Variants in PTPRZ1 observed in about 807,000 individuals in gnomAD.
The protein encoded by PTPRZ1 is receptor-type tyrosine-protein phosphatase zeta.
Under a neutral mutation model 214.1 loss-of-function variants are expected in PTPRZ1, and 82 were observed. That is an observed-to-expected ratio of 0.38 (90% confidence interval 0.32 to 0.46). PTPRZ1 has a LOEUF of 0.46. Among genes scored for constraint, PTPRZ1 ranks in the 20% least tolerant of loss-of-function variants. The pLI is 1.00. For missense variants in PTPRZ1, 2,603 were observed against 2,748.7 expected (o/e 0.95, Z 1.19); for synonymous variants, 945 against 987.9 (o/e 0.96, Z 0.81).
At chr7:121,976,956 C>A in intron 6 of PTPRZ1, 105 bp downstream of exon 6, 1 of 839,096 alleles carries the variant, frequency 1.2e-6, no homozygotes, top group Non-Finnish European at 1.8e-6. Flanking sequence ...GAAAGTACTA[C>A]ATTTTTAAAG....
chr7:121,953,745 C>T (rs557914433), intron 2 of PTPRZ1, among the ~76,000 whole-genome samples: 67 of 152,276 alleles, frequency 4.4e-4, no homozygotes, highest in African/African-American at 1.3e-3. Flanking sequence ...TTGTCAGTGC[C>T]ATTGAGGAGA....
chr7:121,928,125 A>G (rs760193282), intron 1 of PTPRZ1, 31 bp from the exon 2 acceptor site: 18 of 1,509,308 alleles, frequency 1.2e-5, no homozygotes, highest in Admixed American at 5.2e-5. Flanking sequence ...ATTTTTCTAC[A>G]TACTGATTAC....
intron 2 of PTPRZ1, among the ~76,000 whole-genome samples, chr7:121,966,356 A>AT (rs1335469816): frequency 1.3e-5 from 2 of 152,188 alleles, no homozygotes; most frequent in Non-Finnish European, 2.9e-5. Context: ...AATTTATTAT[A>AT]TTGTATTAAA....
chr7:122,028,376 A>G (rs754017113), intron 13 of PTPRZ1, 176 bp from the exon 14 acceptor site: 16 of 484,214 alleles, frequency 3.3e-5, no homozygotes, highest in Non-Finnish European at 5.5e-5. Context: ...GATAAATTTT[A>G]TAATTTAACA....
intron 11 of PTPRZ1, among the ~76,000 whole-genome samples, chr7:122,006,478 G>A (rs745638018): frequency 6.6e-6 from 1 of 152,096 alleles, no homozygotes; most frequent in Non-Finnish European, 1.5e-5. Flanking sequence ...TTCCACATAA[G>A]AGTGAGAACA....
At chr7:121,912,519 G>A (rs1009995531) in intron 1 of PTPRZ1, among the ~76,000 whole-genome samples, 1 of 152,150 alleles carries the variant, frequency 6.6e-6, no homozygotes, top group African/African-American at 2.4e-5. Flanking sequence ...AAATATGACA[G>A]CTACCATTTG....
chr7:121,909,813 A>G (rs1179712983), intron 1 of PTPRZ1, among the ~76,000 whole-genome samples: 6 of 152,194 alleles, frequency 3.9e-5, no homozygotes, highest in Non-Finnish European at 8.8e-5. Flanking sequence ...ATATGGAGTT[A>G]AATTACAGAA....
intron 2 of PTPRZ1, among the ~76,000 whole-genome samples, chr7:121,931,885 T>C (rs1029022319): frequency 5.3e-5 from 8 of 152,070 alleles, no homozygotes; most frequent in African/African-American, 1.9e-4. Context: ...CAGGAAAGTC[T>C]AGTGATCAAA....
At chr7:122,057,926 T>C (rs1792413717) in intron 27 of PTPRZ1, among the ~76,000 whole-genome samples, 1 of 149,476 alleles carries the variant, frequency 6.7e-6, no homozygotes, top group East Asian at 1.9e-4. Flanking sequence ...GAATTAGCAA[T>C]ATCAGTTCAG....
At chr7:121,987,088 A>G (rs1797782704) in intron 8 of PTPRZ1, among the ~76,000 whole-genome samples, 1 of 152,236 alleles carries the variant, frequency 6.6e-6, no homozygotes, top group Non-Finnish European at 1.5e-5. Flanking sequence ...AGTGCTCAAA[A>G]GACAATCCTA....
chr7:122,041,010 T>A (rs751636504), intron 21 of PTPRZ1, 31 bp downstream of exon 21: 64 of 1,423,934 alleles, frequency 4.5e-5, no homozygotes, highest in Non-Finnish European at 5.9e-5. Flanking sequence ...TCTAAACCCA[T>A]AGAATTGCTT....
intron 13 of PTPRZ1, among the ~76,000 whole-genome samples, chr7:122,027,952 G>A (rs1799252191): frequency 6.6e-6 from 1 of 152,102 alleles, no homozygotes; most frequent in Non-Finnish European, 1.5e-5. Flanking sequence ...CATTATTACA[G>A]CATGAAGCCA....
intron 6 of PTPRZ1, among the ~76,000 whole-genome samples, chr7:121,979,707 G>A (rs1033549120): frequency 2.0e-5 from 3 of 152,136 alleles, no homozygotes; most frequent in Non-Finnish European, 4.4e-5. Context: ...AATAATGATT[G>A]CAAAAATGAA....
intron 13 of PTPRZ1, among the ~76,000 whole-genome samples, chr7:122,027,055 G>T (rs891872436): frequency 6.6e-6 from 1 of 152,200 alleles, no homozygotes; most frequent in Non-Finnish European, 1.5e-5. Context: ...ATTTCAAATA[G>T]TGATGTGCCA....
At chr7:121,967,832 A>T (rs1797088726) in intron 2 of PTPRZ1, 119 bp from the exon 3 acceptor site, 1 of 693,954 alleles carries the variant, frequency 1.4e-6, no homozygotes, top group Non-Finnish European at 2.4e-6. Flanking sequence ...TAGTTCAAAG[A>T]TGTCAAACAT....
rs1469276203 is a variant in PTPRZ1, at chr7:122,010,880, G to A, written c.1834G>A (p.Glu612Lys). The A allele has an allele frequency of 8.1e-6, 13 of 1,613,876 alleles. No homozygotes were observed. Among genetic ancestry groups the A allele is most frequent in the South Asian group, 1.1e-5 (1 of 91,060 alleles). The part of the protein sequence containing the change: ...NISQGYIFSS[E>K]NPETITYDVL... ...ATCCCAAGGGTATATATTTTCCTCC[G>A]AAAACCCAGAGACAATAACATATGA... is the stretch of plus-strand genomic sequence containing the variant. The change falls in exon 12 of 30, where the codon GAA (glutamate) becomes AAA (lysine). Residue 612 changes from glutamate to lysine, a missense_variant. Glu to Lys is a moderately conservative substitution (Grantham distance 56). Around this residue, in one of 6 missense-constraint regions of PTPRZ1, gnomAD observed 1,913 missense variants for 1,914.3 expected, o/e 1.00. Transcript: ENST00000393386.
chr7:121,955,396 A>T (rs114586473), intron 2 of PTPRZ1, among the ~76,000 whole-genome samples: 1 of 151,982 alleles, frequency 6.6e-6, no homozygotes, highest in African/African-American at 2.4e-5. Flanking sequence ...AGAGATTTTT[A>T]TTTCCCAAAC....
At chr7:121,913,492 G>A (rs1200852025) in intron 1 of PTPRZ1, among the ~76,000 whole-genome samples, 1 of 152,182 alleles carries the variant, frequency 6.6e-6, no homozygotes, top group Non-Finnish European at 1.5e-5. Flanking sequence ...AAGGTGCATG[G>A]AATAAATAAA....
intron 21 of PTPRZ1, among the ~76,000 whole-genome samples, chr7:122,041,342 C>T (rs1799728325): frequency 6.8e-6 from 1 of 147,966 alleles, no homozygotes; most frequent in Non-Finnish European, 1.5e-5. Context: ...ACCCCTGTCC[C>T]TAGGAGTTAA....
Sources: gnomAD v4.1 joint callset for allele counts (sites outside exome capture counted in the v4.1 genomes callset) on GRCh38, gnomAD v4.1.1 for gene constraint, gnomAD v4.1.1 regional missense constraint, MANE v1.5 for transcripts, NCBI Gene and HGNC (gene_info 2026-07-23, HGNC 2026-07-21) for gene names.